The following GULP1 variants were observed in gnomAD, a reference collection of about 807,000 sequenced individuals.
GULP1 encodes PTB domain-containing engulfment adapter protein 1.
In GULP1, 19 loss-of-function variants were observed where a neutral mutation model predicts 40.9. The observed-to-expected ratio is 0.46, with a 90% CI of 0.32 to 0.68. GULP1 has a LOEUF of 0.68. Ranked by LOEUF, GULP1 falls within the 30% of genes least tolerant of loss-of-function variation. The pLI is 0.03. For missense variants in GULP1, 312 were observed against 362.2 expected, an observed-to-expected ratio of 0.86 and a Z score of 1.12; for synonymous variants, 119 against 117.6, an observed-to-expected ratio of 1.01 and a Z score of -0.08.
intron 4 of GULP1, among the ~76,000 whole-genome samples, chr2:188,512,482 T>A (rs1319395128): frequency 1.3e-5 from 2 of 152,132 alleles, no homozygotes; most frequent in Non-Finnish European, 2.9e-5. Context: ...TGATGTCCTT[T>A]GTATGTTAAA....
chr2:188,448,135 TGTG>T (rs2058548239), intron 2 of GULP1, among the ~76,000 whole-genome samples: 1 of 152,202 alleles, frequency 6.6e-6, no homozygotes, highest in Admixed American at 6.5e-5. Flanking sequence ...TTTGATCACT[TGTG>T]GTGGTAAAAT....
intron 1 of GULP1, among the ~76,000 whole-genome samples, chr2:188,307,048 A>T (rs2037213594): frequency 6.6e-6 from 1 of 152,240 alleles, no homozygotes; most frequent in Non-Finnish European, 1.5e-5. Context: ...TGTACCATTT[A>T]TCAACAGAAT....
intron 1 of GULP1, among the ~76,000 whole-genome samples, chr2:188,377,107 G>A (rs2048389979): frequency 6.6e-6 from 1 of 152,036 alleles, no homozygotes; most frequent in African/African-American, 2.4e-5. Context: ...GGGAGGCGGA[G>A]GTTGTGGTGA....
chr2:188,415,507 T>TAA (rs112509471), intron 2 of GULP1, among the ~76,000 whole-genome samples: 1 of 144,558 alleles, frequency 6.9e-6, no homozygotes, highest in Non-Finnish European at 1.5e-5. Context: ...CTTAGAAAAT[T>TAA]AAAAAAAAAA....
At chr2:188,348,735 G>A (rs2044044092) in intron 1 of GULP1, among the ~76,000 whole-genome samples, 1 of 152,242 alleles carries the variant, frequency 6.6e-6, no homozygotes, top group African/African-American at 2.4e-5. Context: ...CTTCTCCAGT[G>A]GTAACATCTT....
chr2:188,454,876 C>T lies in GULP1; in HGVS notation c.-44-22783C>T, dbSNP rs10207737. 3.3e-3 allele frequency among the ~76,000 whole-genome samples: 509 copies of T among 152,210 alleles called. 5 individuals carry two copies. The highest frequency in any genetic ancestry group is 0.012 in the African/African-American group (487 of 41,518). On this transcript the variant is annotated intron_variant, in intron 2 of 11. Transcript: ENST00000409830. The stretch of plus-strand genomic sequence containing the variant: ...TGGAGTTTCATGCCTATAATTGCAG[C>T]GCTTTGGGAGGCGGACATGGGAGGG...
At chr2:188,412,851 C>T (rs1055488962) in intron 2 of GULP1, among the ~76,000 whole-genome samples, 9 of 152,196 alleles carry the variant, frequency 5.9e-5, no homozygotes, top group Non-Finnish European at 1.3e-4. Context: ...AAACCCCACT[C>T]TTTAGTGCCT....
At chr2:188,325,611 A>G (rs2040644898) in intron 1 of GULP1, among the ~76,000 whole-genome samples, 1 of 152,080 alleles carries the variant, frequency 6.6e-6, no homozygotes, top group Non-Finnish European at 1.5e-5. Flanking sequence ...TAGGACCACT[A>G]TGGAAATTTG....
intron 2 of GULP1, among the ~76,000 whole-genome samples, chr2:188,436,134 A>G (rs528458106): frequency 2.6e-5 from 4 of 152,182 alleles, no homozygotes; most frequent in African/African-American, 7.2e-5. Context: ...CAGGGTGTGT[A>G]CACCAGGTGG....
chr2:188,309,235 G>T (rs1487556346), intron 1 of GULP1, among the ~76,000 whole-genome samples: 2 of 152,158 alleles, frequency 1.3e-5, no homozygotes, highest in African/African-American at 2.4e-5. Context: ...GGAGGTTGAG[G>T]TGGGCAGGTT....
rs778858143 is a variant in GULP1, at chr2:188,499,133, G to GTATATATATA, written c.90+15642_90+15643insATATATATAT. ...CATATACAAATGCACATATATGTGTGTGTATATATATATATATATATATAT... is the reference window on the plus strand; with the variant it reads ...CATATACAAATGCACATATATGTGTGTATATATATATGTATATATATATATATATATATAT... On this transcript the variant is annotated intron_variant, in intron 4 of 11. Coordinates refer to ENST00000409830, the MANE Select transcript of GULP1 (RefSeq NM_016315.4). Among the ~76,000 whole-genome samples, 85 of 120,670 alleles carry GTATATATATA rather than the reference G, an allele frequency of 7.0e-4. 1 individual carries two copies. Among genetic ancestry groups the GTATATATATA allele is most frequent in the African/African-American group, 8.9e-4 (28 of 31,612 alleles). 79.2% of individuals were successfully genotyped at this position (120,670 alleles called of 152,430 possible).
chr2:188,522,296 C>T (rs2065864847), intron 4 of GULP1, among the ~76,000 whole-genome samples: 1 of 151,034 alleles, frequency 6.6e-6, no homozygotes, highest in Admixed American at 6.6e-5. Flanking sequence ...CATCAGCAGG[C>T]AGAGGCAAGT....
chr2:188,555,162 G>A (rs1442620602), intron 7 of GULP1, among the ~76,000 whole-genome samples: 1 of 152,034 alleles, frequency 6.6e-6, no homozygotes, highest in Non-Finnish European at 1.5e-5. Flanking sequence ...GCTAGGTAAG[G>A]CTTTGTTCCT....
intron 6 of GULP1, among the ~76,000 whole-genome samples, chr2:188,534,919 C>G (rs1347261848): frequency 6.6e-6 from 1 of 151,846 alleles, no homozygotes; most frequent in African/African-American, 2.4e-5. Context: ...ACTTCATTAT[C>G]CTATATTGCC....
At chr2:188,325,984 A>G (rs527738114) in intron 1 of GULP1, among the ~76,000 whole-genome samples, 11 of 152,236 alleles carry the variant, frequency 7.2e-5, no homozygotes, top group Admixed American at 6.6e-4. Context: ...TATTTTCCGT[A>G]TCCTTAAAAT....
chr2:188,521,547 A>G (rs562893659), intron 4 of GULP1, among the ~76,000 whole-genome samples: 1 of 152,182 alleles, frequency 6.6e-6, no homozygotes, highest in Non-Finnish European at 1.5e-5. Flanking sequence ...CATGTCTTAC[A>G]TGGCAGCAGG....
chr2:188,473,155 TTCTCTC>T (rs147222438), intron 2 of GULP1, among the ~76,000 whole-genome samples: 10 of 120,914 alleles, frequency 8.3e-5, no homozygotes, highest in East Asian at 2.2e-4. Flanking sequence ...GGGTCTCTCT[TTCTCTC>T]TCTCTCTCTC....
At chr2:188,371,860 A>G (rs2047643719) in intron 1 of GULP1, among the ~76,000 whole-genome samples, 1 of 152,198 alleles carries the variant, frequency 6.6e-6, no homozygotes, top group South Asian at 2.1e-4. Flanking sequence ...GGTGTTTGGT[A>G]AATGTGTGTT....
intron 2 of GULP1, among the ~76,000 whole-genome samples, chr2:188,433,586 GAGA>G (rs1456330729): frequency 6.6e-6 from 1 of 152,092 alleles, no homozygotes; most frequent in African/African-American, 2.4e-5. Context: ...AGTTCTATCA[GAGA>G]AGAATCTCTC....
Sources: allele counts gnomAD v4.1 joint callset (sites outside exome capture counted in the v4.1 genomes callset), GRCh38; gene constraint gnomAD v4.1.1; transcripts MANE v1.5; gene names NCBI Gene and HGNC (gene_info 2026-07-23, HGNC 2026-07-21).